Variants in ADGRL3 observed in about 807,000 individuals in gnomAD.
ADGRL3 encodes the protein adhesion G protein-coupled receptor L3.
A neutral mutation model predicts 153.5 loss-of-function variants in ADGRL3; 62 were observed. The observed-to-expected ratio is 0.40, with a 90% CI of 0.33 to 0.50. ADGRL3 has a LOEUF of 0.50. Among genes scored for constraint, ADGRL3 ranks in the 20% least tolerant of loss-of-function variants. The pLI, the probability that ADGRL3 is intolerant of heterozygous loss-of-function variation, is 0.47. For missense variants in ADGRL3, 1,641 were observed against 1,859.4 expected (o/e 0.88, Z 2.16); for synonymous variants, 710 against 672.5 (o/e 1.06, Z -0.86).
At chr4:61,433,169 C>T (rs1045993282) in intron 2 of ADGRL3, among the ~76,000 whole-genome samples, 4 of 151,946 alleles carry the variant, frequency 2.6e-5, no homozygotes, top group African/African-American at 7.2e-5. Context: ...TTCTTATTTT[C>T]GTTTGAATTG....
intron 25 of ADGRL3, among the ~76,000 whole-genome samples, chr4:62,062,873 G>A (rs916886080): frequency 6.6e-6 from 1 of 152,010 alleles, no homozygotes; most frequent in African/African-American, 2.4e-5. Context: ...TATCAGATTT[G>A]TAAGATCACC....
intron 5 of ADGRL3, among the ~76,000 whole-genome samples, chr4:61,676,505 C>A (rs1444715851): frequency 6.6e-6 from 1 of 151,554 alleles, no homozygotes; most frequent in Admixed American, 6.6e-5. Flanking sequence ...ATCAAATAGT[C>A]TTTCCTACTT....
intron 21 of ADGRL3, among the ~76,000 whole-genome samples, chr4:62,020,601 G>A (rs1247462688): frequency 1.3e-5 from 2 of 152,114 alleles, no homozygotes; most frequent in East Asian, 3.9e-4. Context: ...GTATATACAG[G>A]CATCTTCTCA....
At chr4:61,851,819 A>G (rs553744246) in intron 9 of ADGRL3, among the ~76,000 whole-genome samples, 3 of 152,310 alleles carry the variant, frequency 2.0e-5, no homozygotes, top group South Asian at 4.1e-4. Flanking sequence ...TGGTGTTGGC[A>G]TAATATAATA....
intron 1 of ADGRL3, among the ~76,000 whole-genome samples, chr4:61,275,972 C>A (rs138774490): frequency 6.6e-6 from 1 of 152,014 alleles, no homozygotes; most frequent in African/African-American, 2.4e-5. Context: ...CAAAGAAAGG[C>A]GTTAGTGAAA....
chr4:61,347,482 AG>A (rs1211702105), intron 1 of ADGRL3, among the ~76,000 whole-genome samples: 2 of 152,128 alleles, frequency 1.3e-5, no homozygotes, highest in African/African-American at 4.8e-5. Flanking sequence ...TTTGAACTAT[AG>A]TCCTACAGTA....
intron 8 of ADGRL3, among the ~76,000 whole-genome samples, chr4:61,755,647 G>C (rs536888002): frequency 1.3e-5 from 2 of 152,086 alleles, no homozygotes; most frequent in African/African-American, 4.8e-5. Context: ...GTCAATTTTG[G>C]CTTTGGTTGC....
chr4:61,460,340 T>A (rs1578989411), intron 2 of ADGRL3, among the ~76,000 whole-genome samples: 1 of 152,108 alleles, frequency 6.6e-6, no homozygotes, highest in East Asian at 1.9e-4. Flanking sequence ...TTCCCCAACG[T>A]ATATACAGTG....
rs17090458 is a variant in ADGRL3 at position 61,444,607 on chromosome 4, C to T, written c.-173-52514C>T. Among the ~76,000 whole-genome samples, 680 of 152,232 alleles carry T rather than the reference C, an allele frequency of 4.5e-3. 7 individuals are homozygous for T. Among genetic ancestry groups the T allele is most frequent in the African/African-American group, 0.015 (637 of 41,546 alleles). On this transcript the variant is annotated intron_variant, in intron 2 of 26. Transcript: ENST00000683033. ...TCTCCCATGCTCTGTTATACTTTCA[C>T]CCTCTCCCATGCATATGTTCCCTGA... is the stretch of plus-strand genomic sequence containing the variant.
chr4:61,411,326 C>G (rs949519137), intron 2 of ADGRL3, among the ~76,000 whole-genome samples: 17 of 152,074 alleles, frequency 1.1e-4, no homozygotes, highest in African/African-American at 4.1e-4. Flanking sequence ...CTGACTGTCT[C>G]TCAATTTGAG....
intron 20 of ADGRL3, 82 bp downstream of exon 20, chr4:61,996,439 A>G (rs2099121930): frequency 1.0e-6 from 1 of 958,214 alleles, no homozygotes; most frequent in Non-Finnish European, 1.6e-6. Flanking sequence ...TCTTTAATTT[A>G]CAGAGGTTAA....
chr4:61,541,191 T>C (rs1398016906), intron 4 of ADGRL3, among the ~76,000 whole-genome samples: 2 of 152,132 alleles, frequency 1.3e-5, no homozygotes, highest in Admixed American at 6.5e-5. Context: ...ATAAAAGTAC[T>C]GAAGCAGCTT....
intron 1 of ADGRL3, among the ~76,000 whole-genome samples, chr4:61,257,852 T>C (rs942177564): frequency 6.6e-6 from 1 of 152,024 alleles, no homozygotes; most frequent in Non-Finnish European, 1.5e-5. Context: ...TGTGTGTGTG[T>C]GTGTGTGTGT....
chr4:61,632,110 A>C (rs2093203178), intron 5 of ADGRL3, among the ~76,000 whole-genome samples: 1 of 152,152 alleles, frequency 6.6e-6, no homozygotes, highest in Admixed American at 6.6e-5. Flanking sequence ...AATTGCTATT[A>C]ATTTTGATCA....
intron 4 of ADGRL3, among the ~76,000 whole-genome samples, chr4:61,535,472 C>A (rs773154714): frequency 1.3e-5 from 2 of 152,006 alleles, no homozygotes; most frequent in Non-Finnish European, 2.9e-5. Context: ...AAGAGGAATA[C>A]CTTCTCCTCA....
intron 23 of ADGRL3, among the ~76,000 whole-genome samples, chr4:62,033,084 A>G (rs1361844219): frequency 6.6e-6 from 1 of 151,780 alleles, no homozygotes; most frequent in African/African-American, 2.4e-5. Context: ...TTTATGTTTT[A>G]CTCATTGCCC....
At chr4:61,420,401 C>CTTTTTTTTTTTTT (rs36093010) in intron 2 of ADGRL3, 7 of 82,548 alleles carry the variant, frequency 8.5e-5, no homozygotes, top group African/African-American at 2.5e-4. Context: ...CAAAGGAAAG[C>CTTTTTTTTTTTTT]TTTTTTTTTT....
At chr4:61,664,871 C>G (rs1443895569) in intron 5 of ADGRL3, among the ~76,000 whole-genome samples, 4 of 152,118 alleles carry the variant, frequency 2.6e-5, no homozygotes, top group Non-Finnish European at 5.9e-5. Flanking sequence ...AACCCATCCT[C>G]TAACCCCCAT....
At chr4:61,338,976 T>A (rs1343013244) in intron 1 of ADGRL3, among the ~76,000 whole-genome samples, 1 of 152,170 alleles carries the variant, frequency 6.6e-6, no homozygotes, top group Non-Finnish European at 1.5e-5. Context: ...TGAAAAGTAA[T>A]CCTTATCTAT....
Sources: allele counts gnomAD v4.1 joint callset (sites outside exome capture counted in the v4.1 genomes callset), GRCh38; gene constraint gnomAD v4.1.1; transcripts MANE v1.5; gene names NCBI Gene and HGNC (gene_info 2026-07-23, HGNC 2026-07-21).